Variants in THSD4 observed in about 807,000 individuals in gnomAD.
THSD4 encodes thrombospondin type 1 domain containing 4.
A neutral mutation model predicts 119.0 loss-of-function variants in THSD4; 69 were observed. That is an observed-to-expected ratio of 0.58 (90% CI 0.48 to 0.71). The LOEUF is 0.71. Among genes scored for constraint, THSD4 ranks in the 30% least tolerant of loss-of-function variants. THSD4 has a pLI of 0.00. For synonymous variants in THSD4, 524 were observed against 540.4 expected (o/e 0.97, Z 0.42); for missense variants, 1,393 against 1,391.1 (o/e 1.00, Z -0.02).
At chr15:71,461,102 G>C (rs1409497546) in intron 7 of THSD4, among the ~76,000 whole-genome samples, 1 of 152,218 alleles carries the variant, frequency 6.6e-6, no homozygotes, top group African/African-American at 2.4e-5. Flanking sequence ...TTCTGGCTTA[G>C]GGCCTCCCAT....
intron 6 of THSD4, among the ~76,000 whole-genome samples, chr15:71,362,175 A>T (rs552910820): frequency 2.3e-4 from 35 of 152,268 alleles, no homozygotes; most frequent in Middle Eastern, 3.4e-3. Flanking sequence ...GCTACTTGGG[A>T]GGCTGAGGCA....
intron 7 of THSD4, among the ~76,000 whole-genome samples, chr15:71,415,175 C>T (rs1371317132): frequency 1.3e-5 from 2 of 152,156 alleles, no homozygotes; most frequent in African/African-American, 4.8e-5. Context: ...AATAGCCAGG[C>T]TTGCAAGAAA....
At chr15:71,446,807 C>T (rs912107195) in intron 7 of THSD4, among the ~76,000 whole-genome samples, 1 of 152,100 alleles carries the variant, frequency 6.6e-6, no homozygotes, top group Admixed American at 6.6e-5. Flanking sequence ...CTGAGCATCT[C>T]GGGAAGACAT....
chr15:71,124,892 T>C (rs1396361745), intron 1 of THSD4, among the ~76,000 whole-genome samples: 2 of 151,916 alleles, frequency 1.3e-5, no homozygotes, highest in African/African-American at 2.4e-5. Flanking sequence ...AACATCAAAC[T>C]ATTAGCCAGG....
Position 71,138,978 on chromosome 15 carries a change from C to CCT in THSD4, c.-79-2470_-79-2469insTC, listed in dbSNP as rs542311285. Reference sequence around the variant, plus strand: ...GGTAGTTACAAACAGTATCCCTCCCCCCCCCATTTTACAGATGAAGAAAGG... The same window carrying CCT: ...GGTAGTTACAAACAGTATCCCTCCCCCTCCCCCATTTTACAGATGAAGAAAGG... On this transcript the variant is annotated intron_variant, in intron 1 of 17. Coordinates refer to ENST00000261862, the MANE Select transcript of THSD4 (RefSeq NM_024817.3). Among the ~76,000 whole-genome samples the CCT allele has an allele frequency of 1.7e-3, 256 of 150,108 alleles. 7 individuals are homozygous for CCT. Among genetic ancestry groups the CCT allele is most frequent in the African/African-American group, 6.0e-3 (239 of 40,094 alleles).
intron 8 of THSD4, among the ~76,000 whole-genome samples, chr15:71,705,156 ATTC>A (rs1274833233): frequency 6.6e-6 from 1 of 152,188 alleles, no homozygotes; most frequent in Admixed American, 6.5e-5. Context: ...GGTAGCTGGA[ATTC>A]TTCTACCCTT....
chr15:71,454,776 A>G (rs529716022), intron 7 of THSD4, among the ~76,000 whole-genome samples: 31 of 152,324 alleles, frequency 2.0e-4, no homozygotes, highest in African/African-American at 6.5e-4. Context: ...AGCTCTCCAA[A>G]CATCTCTCCC....
In THSD4 at chr15:71,381,842, T is replaced by C. The variant is rs572988630; in HGVS notation, c.1016-29845T>C. On this transcript the variant is annotated intron_variant, in intron 6 of 17. Coordinates refer to ENST00000261862, the MANE Select transcript of THSD4 (RefSeq NM_024817.3). Reference sequence around the variant, plus strand: ...ATAAAAGTAATTTAAATGTTAAACATTATTTCTTATTTGACAATGCTTCCC... The same window carrying C: ...ATAAAAGTAATTTAAATGTTAAACACTATTTCTTATTTGACAATGCTTCCC... Among the ~76,000 whole-genome samples, 363 of 152,288 alleles carry C rather than the reference T, an allele frequency of 2.4e-3. 2 individuals are homozygous for C. The highest frequency in any genetic ancestry group is 6.8e-3 in the Middle Eastern group (2 of 294).
At chr15:71,500,021 A>G (rs1034287366) in intron 7 of THSD4, among the ~76,000 whole-genome samples, 1 of 152,158 alleles carries the variant, frequency 6.6e-6, no homozygotes, top group Non-Finnish European at 1.5e-5. Flanking sequence ...GTCAGATACT[A>G]TGATAATTCA....
At chr15:71,500,006 G>T (rs1336910899) in intron 7 of THSD4, among the ~76,000 whole-genome samples, 1 of 152,132 alleles carries the variant, frequency 6.6e-6, no homozygotes, top group African/African-American at 2.4e-5. Context: ...CCCAGAAGTG[G>T]AATTGTCAGA....
chr15:71,361,246 A>G (rs549684602), intron 6 of THSD4, among the ~76,000 whole-genome samples: 1 of 152,276 alleles, frequency 6.6e-6, no homozygotes, highest in Admixed American at 6.5e-5. Flanking sequence ...AAAAGTGACT[A>G]TTAGCTGACC....
chr15:71,378,613 C>T (rs750401732), intron 6 of THSD4, among the ~76,000 whole-genome samples: 51 of 152,186 alleles, frequency 3.4e-4, no homozygotes, highest in Admixed American at 9.2e-4. Context: ...CTTCGTCCTG[C>T]CAGTTGCACT....
intron 1 of THSD4, among the ~76,000 whole-genome samples, chr15:71,108,128 A>T (rs1346787242): frequency 6.6e-6 from 1 of 152,138 alleles, no homozygotes; most frequent in East Asian, 1.9e-4. Context: ...GCTCTTTACA[A>T]TGGAGACATT....
intron 6 of THSD4, among the ~76,000 whole-genome samples, chr15:71,344,161 C>G (rs2140394555): frequency 6.6e-6 from 1 of 151,894 alleles, no homozygotes; most frequent in East Asian, 1.9e-4. Context: ...GCCTCAGCCT[C>G]CCGAGTAGCT....
intron 8 of THSD4, among the ~76,000 whole-genome samples, chr15:71,724,347 G>A (rs965850163): frequency 2.5e-4 from 36 of 145,174 alleles, no homozygotes; most frequent in Middle Eastern, 3.8e-3. Context: ...GTGCAGTGGC[G>A]TGGTCTCGGC....
chr15:71,210,153 T>C (rs1256278179), intron 3 of THSD4, among the ~76,000 whole-genome samples: 1 of 152,212 alleles, frequency 6.6e-6, no homozygotes, highest in Non-Finnish European at 1.5e-5. Flanking sequence ...CTAAGGTCAC[T>C]CTAATCGTTG....
chr15:71,102,423 A>G lies in THSD4; in HGVS notation c.-80+5417A>G, dbSNP rs576938078. On this transcript the variant is annotated intron_variant, in intron 1 of 17. Transcript: ENST00000355327. ...AAGGTTCTGCTGGGTTTCTTTTTCA[A>G]TTTTCTTTCCTTTGTTGTTCAGATT... 4.6e-5 allele frequency among the ~76,000 whole-genome samples: 7 copies of G among 151,304 alleles called. No homozygotes were observed. The South Asian group carries it at 1.5e-3, about 32-fold the overall frequency.
chr15:71,112,425 GT>G, upstream of THSD4: 1 of 474,076 alleles, frequency 2.1e-6, no homozygotes, highest in Non-Finnish European at 3.5e-6. Flanking sequence ...TTTCTTGTCT[GT>G]CCCTTTAGGA....
chr15:71,698,321 A>G (rs1263453631), intron 8 of THSD4, among the ~76,000 whole-genome samples: 1 of 152,194 alleles, frequency 6.6e-6, no homozygotes, highest in African/African-American at 2.4e-5. Flanking sequence ...GGCCGTTATC[A>G]AACAAAAGAT....
Sources: gnomAD v4.1 joint callset for allele counts (sites outside exome capture counted in the v4.1 genomes callset) on GRCh38, gnomAD v4.1.1 for gene constraint, MANE v1.5 for transcripts, NCBI Gene and HGNC (gene_info 2026-07-23, HGNC 2026-07-21) for gene names.